Variants in CEP85L observed in about 807,000 individuals in gnomAD.
The protein encoded by CEP85L is centrosomal protein 85L.
A neutral mutation model predicts 100.3 loss-of-function variants in CEP85L; 60 were observed. The ratio of observed to expected loss-of-function variants is 0.60; its 90% CI spans 0.49 to 0.74. The LOEUF is 0.74. CEP85L is among the 30% of genes least tolerant of loss of function. CEP85L has a pLI of 0.00. For synonymous variants in CEP85L, 319 were observed against 322.7 expected, an observed-to-expected ratio of 0.99 and a Z score of 0.12; for missense variants, 973 against 936.2, an observed-to-expected ratio of 1.04 and a Z score of -0.51.
chr6:118,471,844 C>T (rs973421214), intron 10 of CEP85L, among the ~76,000 whole-genome samples: 2 of 150,464 alleles, frequency 1.3e-5, no homozygotes, highest in African/African-American at 4.9e-5. Context: ...TCCTTTGTAA[C>T]TTCATTAGAT....
chr6:118,616,156 AG>A (rs1160211293), intron 2 of CEP85L, among the ~76,000 whole-genome samples: 9 of 152,224 alleles, frequency 5.9e-5, no homozygotes, highest in Non-Finnish European at 1.2e-4. Flanking sequence ...CCAGGCAAAG[AG>A]TTCTTAAACT....
chr6:118,463,844 T>G lies in CEP85L; in HGVS notation c.*1561A>C, dbSNP rs1398589844. ...TAGCCAACATTTTAAACTGTGTATC[T>G]TCCTGGGTAGTCTCCTTGAAGGCCT... On this transcript the variant is annotated 3_prime_UTR_variant, in exon 13 of 13. Transcript: ENST00000368491. 1 of 152,106 alleles carries G rather than the reference T, an allele frequency of 6.6e-6. No individual in the cohort carries two copies. Among genetic ancestry groups the G allele is most frequent in the Non-Finnish European group, 1.5e-5 (1 of 67,966 alleles). The allele number at this position is 152,106 out of a possible 1,614,324, so 9.4% of individuals were successfully genotyped here. A position where few individuals can be genotyped will look rare whatever the true frequency, so the allele number is the denominator to read the frequency against.
At chr6:118,521,575 T>G (rs1268385217) in intron 4 of CEP85L, among the ~76,000 whole-genome samples, 1 of 152,188 alleles carries the variant, frequency 6.6e-6, no homozygotes, top group African/African-American at 2.4e-5. Flanking sequence ...TGGCCAGAAG[T>G]GAAGTCCACT....
chr6:118,658,110 G>T (rs957882771), intron 1 of CEP85L, among the ~76,000 whole-genome samples: 7 of 152,108 alleles, frequency 4.6e-5, no homozygotes, highest in African/African-American at 1.7e-4. Flanking sequence ...GGACCTTTTT[G>T]CTAAGATTTC....
At chr6:118,705,543 G>A (rs1777567674) in intron 1 of CEP85L, among the ~76,000 whole-genome samples, 1 of 152,228 alleles carries the variant, frequency 6.6e-6, no homozygotes, top group African/African-American at 2.4e-5. Flanking sequence ...TAGCTAGCAA[G>A]TCCCTCTTAA....
chr6:118,676,347 C>G (rs1776481921), intron 1 of CEP85L, among the ~76,000 whole-genome samples: 1 of 152,152 alleles, frequency 6.6e-6, no homozygotes, highest in South Asian at 2.1e-4. Flanking sequence ...ACCCTCATCC[C>G]CTCTCTAGCC....
intron 2 of CEP85L, among the ~76,000 whole-genome samples, chr6:118,568,217 G>A (rs1048176447): frequency 5.3e-5 from 8 of 152,192 alleles, no homozygotes; most frequent in African/African-American, 1.4e-4. Context: ...CCCAGAACTG[G>A]CAGCAGCTAG....
chr6:118,689,629 T>C (rs977405575), intron 1 of CEP85L, among the ~76,000 whole-genome samples: 8 of 152,244 alleles, frequency 5.3e-5, no homozygotes, highest in Non-Finnish European at 8.8e-5. Context: ...GATCTCCTCT[T>C]CATTACTAAA....
At chr6:118,629,558 C>A (rs12190964) in intron 2 of CEP85L, among the ~76,000 whole-genome samples, 4,413 of 152,294 alleles carry the variant, frequency 0.029, 107 homozygotes, top group African/African-American at 0.056. Context: ...AGCAACAGAA[C>A]CCTCATGTAT....
At chr6:118,474,631 G>A (rs7745369) in intron 10 of CEP85L, among the ~76,000 whole-genome samples, 15,417 of 152,180 alleles carry the variant, frequency 0.1, 944 homozygotes, top group African/African-American at 0.16. Flanking sequence ...TCCAGTGAGC[G>A]TTCAGCTACT....
intron 2 of CEP85L, among the ~76,000 whole-genome samples, chr6:118,579,977 A>T (rs1285947062): frequency 6.6e-6 from 1 of 151,848 alleles, no homozygotes; most frequent in African/African-American, 2.4e-5. Flanking sequence ...GTAGAACATC[A>T]TGGTGCCCTG....
chr6:118,697,451 T>C (rs1777251164), intron 1 of CEP85L, among the ~76,000 whole-genome samples: 1 of 152,210 alleles, frequency 6.6e-6, no homozygotes, highest in Non-Finnish European at 1.5e-5. Flanking sequence ...AAGGACGATA[T>C]ACCACTCAAG....
At chr6:118,624,558 C>G (rs186306247) in intron 2 of CEP85L, among the ~76,000 whole-genome samples, 4 of 152,270 alleles carry the variant, frequency 2.6e-5, no homozygotes, top group African/African-American at 4.8e-5. Context: ...TCCTCCCCTT[C>G]CCAGAAACAC....
chr6:118,652,308 G>A, upstream of CEP85L: 1 of 754,178 alleles, frequency 1.3e-6, no homozygotes, highest in Non-Finnish European at 1.6e-6. Context: ...TCCTCTTCTT[G>A]GCCAGTTTCC....
At chr6:118,487,089 A>T (rs190079788) in intron 6 of CEP85L, among the ~76,000 whole-genome samples, 249 of 152,328 alleles carry the variant, frequency 1.6e-3, no homozygotes, top group Non-Finnish European at 2.5e-3. Context: ...CTATAAGCAT[A>T]TGAAAGGAGG....
In CEP85L at chr6:118,646,497, C is replaced by T. The variant is rs574953649; in HGVS notation, c.73+4700G>A. 9.2e-5 allele frequency among the ~76,000 whole-genome samples: 14 copies of T among 151,378 alleles called. No homozygotes were observed. The South Asian group carries it at 1.7e-3, about 18-fold the overall frequency. ...CAACCTGGTCAACATGGTGAAACCC[C>T]GACTCTACAAAAATACAAAACATTA... On this transcript the variant is annotated intron_variant, in intron 1 of 12. Transcript: ENST00000368491.
chr6:118,491,743 C>T lies in CEP85L; in HGVS notation c.1380G>A (p.Glu460=). Reference sequence around the variant, plus strand: ...ATAGGCTTAGTCTTTGTTTGAGAAACTCATTAAGCTGTAAAACTTCTTTCT... The same window carrying T: ...ATAGGCTTAGTCTTTGTTTGAGAAATTCATTAAGCTGTAAAACTTCTTTCT... ...STEKEVLQLN[E]FLKQRLSLFS... Residue 460 remains glutamate, a synonymous_variant, in exon 6 of 13, where the codon GAG becomes GAA. Coordinates refer to ENST00000368491, the MANE Select transcript of CEP85L (RefSeq NM_001042475.3). The T allele has an allele frequency of 6.2e-7, 1 of 1,613,146 alleles. No individual in the cohort carries two copies. The highest frequency in any genetic ancestry group is 8.5e-7 in the Non-Finnish European group (1 of 1,179,580).
intron 5 of CEP85L, among the ~76,000 whole-genome samples, chr6:118,509,897 A>G (rs1265137714): frequency 2.0e-5 from 3 of 152,110 alleles, no homozygotes; most frequent in African/African-American, 7.2e-5. Context: ...TAGCCATTCC[A>G]GTCATATAAA....
At chr6:118,496,361 ATTT>A (rs1774923735) in intron 5 of CEP85L, among the ~76,000 whole-genome samples, 1 of 132,460 alleles carries the variant, frequency 7.5e-6, no homozygotes, top group African/African-American at 3.3e-5. Flanking sequence ...TATATTTTTT[ATTT>A]TATTTTATTT....
Sources: gnomAD v4.1 joint callset for allele counts (sites outside exome capture counted in the v4.1 genomes callset) on GRCh38, gnomAD v4.1.1 for gene constraint, MANE v1.5 for transcripts, NCBI Gene and HGNC (gene_info 2026-07-23, HGNC 2026-07-21) for gene names.